ADAMTS3: variants seen among roughly 807,000 people sequenced by gnomAD.
ADAMTS3 encodes the protein ADAM metallopeptidase with thrombospondin type 1 motif 3, also known as A disintegrin and metalloproteinase with thrombospondin motifs 3.
In ADAMTS3, 73 loss-of-function variants were observed where a neutral mutation model predicts 129.0. The ratio of observed to expected loss-of-function variants is 0.57; its 90% CI spans 0.47 to 0.69. ADAMTS3 has a LOEUF of 0.69. Ranked by LOEUF, ADAMTS3 falls within the 30% of genes least tolerant of loss-of-function variation. The pLI is 0.00. For missense variants in ADAMTS3, 1,457 were observed against 1,514.5 expected (o/e 0.96, Z 0.63); for synonymous variants, 477 against 510.8 (o/e 0.93, Z 0.89).
Position 72,548,561 on chromosome 4 carries a change from G to C in ADAMTS3, c.421C>G (p.Pro141Ala), listed in dbSNP as rs1015276975. The change falls in exon 3 of 22, where the codon CCT becomes GCT. Residue 141 changes from proline to alanine, a missense_variant. By Grantham distance (27) the Pro-to-Ala change is conservative. Transcript: ENST00000286657. The stretch of plus-strand genomic sequence containing the variant: ...ACATAAGCACAGTTAGTCTGCAAAG[G>C]CTCTGTTCTCCGGATTCTATACGTA... ...SATYRIRRTE[P>A]LQTNCAYVGD... is the part of the protein sequence containing the mutation. The C allele has an allele frequency of 3.7e-6, 6 of 1,613,784 alleles. No homozygotes were observed. Among genetic ancestry groups the C allele is most frequent in the Non-Finnish European group, 5.1e-6 (6 of 1,179,898 alleles).
At chr4:72,296,008 A>T (rs771648887) in intron 18 of ADAMTS3, among the ~76,000 whole-genome samples, 1 of 152,090 alleles carries the variant, frequency 6.6e-6, no homozygotes, top group Non-Finnish European at 1.5e-5. Context: ...TTGCAACTGC[A>T]TGCATGTTAA....
At chr4:72,455,246 T>C (rs1435790560) in intron 3 of ADAMTS3, among the ~76,000 whole-genome samples, 1 of 151,678 alleles carries the variant, frequency 6.6e-6, no homozygotes, top group African/African-American at 2.4e-5. Context: ...AGAAATATGT[T>C]GGATAAAGAA....
In ADAMTS3 at chr4:72,548,526, G is replaced by A. The variant is rs763998319; in HGVS notation, c.456C>T (p.Ile152=). ...LQTNCAYVGD[I]VDIPGTSVAI... is the part of the protein sequence containing the mutation. ...CAACAGAGGTTCCTGGAATGTCCAC[G>A]ATGTCACCAACATAAGCACAGTTAG... Residue 152 remains isoleucine (I), a synonymous_variant, in exon 3 of 22, where the codon ATC becomes ATT. Coordinates refer to ENST00000286657, the MANE Select transcript of ADAMTS3 (RefSeq NM_014243.3). 6.8e-6 allele frequency: 11 copies of A among 1,613,736 alleles called. No homozygotes were observed. Among genetic ancestry groups the A allele is most frequent in the Middle Eastern group, 1.6e-4 (1 of 6,080 alleles).
chr4:72,301,099 C>A (rs1452415607), intron 17 of ADAMTS3, among the ~76,000 whole-genome samples: 1 of 151,992 alleles, frequency 6.6e-6, no homozygotes, highest in African/African-American at 2.4e-5. Context: ...CATCCATATG[C>A]AAAAATAAGG....
rs12648147 is a variant in ADAMTS3, at chr4:72,309,066, C to T, written c.2179+331G>A. Reference sequence around the variant, plus strand: ...ATATGCAACAAGAATTCAAAATAAACACCAATTCTAATAATTCAATCTGCA... The same window carrying T: ...ATATGCAACAAGAATTCAAAATAAATACCAATTCTAATAATTCAATCTGCA... On this transcript the variant is annotated intron_variant, in intron 15 of 21. Coordinates refer to ENST00000286657, the MANE Select transcript of ADAMTS3 (RefSeq NM_014243.3). 1.2e-4 allele frequency among the ~76,000 whole-genome samples: 18 copies of T among 151,910 alleles called. No homozygotes were observed. In the East Asian group the frequency reaches 3.1e-3, roughly 26 times the overall value.
chr4:72,344,376 A>AATT (rs953959891), intron 4 of ADAMTS3, among the ~76,000 whole-genome samples: 1 of 152,190 alleles, frequency 6.6e-6, no homozygotes, highest in African/African-American at 2.4e-5. Context: ...ACGAAGGTAA[A>AATT]ATTGGAAAGG....
chr4:72,408,807 T>C (rs1460347034), intron 4 of ADAMTS3, among the ~76,000 whole-genome samples: 1 of 151,744 alleles, frequency 6.6e-6, no homozygotes, highest in East Asian at 1.9e-4. Flanking sequence ...TGGATGAAGC[T>C]GGAAACCATC....
intron 3 of ADAMTS3, among the ~76,000 whole-genome samples, chr4:72,542,322 G>C (rs1246531769): frequency 1.3e-5 from 2 of 151,788 alleles, no homozygotes; most frequent in Non-Finnish European, 2.9e-5. Context: ...CCACCACCAC[G>C]CCCGGCTAAT....
At chr4:72,506,383 A>C (rs574800923) in intron 3 of ADAMTS3, among the ~76,000 whole-genome samples, 1 of 152,128 alleles carries the variant, frequency 6.6e-6, no homozygotes, top group Non-Finnish European at 1.5e-5. Context: ...ATTCAGAAGA[A>C]CTGTGATTGG....
chr4:72,410,837 A>G (rs1722169169), intron 4 of ADAMTS3, among the ~76,000 whole-genome samples: 1 of 152,114 alleles, frequency 6.6e-6, no homozygotes, highest in Non-Finnish European at 1.5e-5. Flanking sequence ...CTAAATCTGA[A>G]AAAGAAGCAA....
chr4:72,436,024 G>T (rs1047016259), intron 3 of ADAMTS3, among the ~76,000 whole-genome samples: 1 of 152,022 alleles, frequency 6.6e-6, no homozygotes, highest in Non-Finnish European at 1.5e-5. Context: ...AAACTAAAGA[G>T]CTTCTGCGCA....
At chr4:72,330,371 G>T (rs1008273084) in intron 5 of ADAMTS3, 27 of 152,064 alleles carry the variant, frequency 1.8e-4, no homozygotes, top group African/African-American at 6.5e-4. Flanking sequence ...ATGTGTGAGG[G>T]CCATCTGTTC....
chr4:72,400,352 C>CACATGGT (rs1721880011), intron 4 of ADAMTS3, among the ~76,000 whole-genome samples: 1 of 142,484 alleles, frequency 7.0e-6, no homozygotes, highest in Non-Finnish European at 1.5e-5. Flanking sequence ...TGTATATATA[C>CACATGGT]GTGTGCATAG....
intron 4 of ADAMTS3, among the ~76,000 whole-genome samples, chr4:72,389,536 A>G (rs1578637231): frequency 6.6e-6 from 1 of 151,264 alleles, no homozygotes; most frequent in South Asian, 2.1e-4. Context: ...AAACAAAAAA[A>G]AAAAATCATA....
At chr4:72,481,081 G>T (rs994295390) in intron 3 of ADAMTS3, among the ~76,000 whole-genome samples, 1 of 152,030 alleles carries the variant, frequency 6.6e-6, no homozygotes, top group African/African-American at 2.4e-5. Context: ...AAGACATACT[G>T]TCATGATAAA....
intron 3 of ADAMTS3, among the ~76,000 whole-genome samples, chr4:72,517,331 C>A (rs983143043): frequency 6.6e-6 from 1 of 152,172 alleles, no homozygotes; most frequent in African/African-American, 2.4e-5. Flanking sequence ...GCTTTGGTAT[C>A]AGGATGATGC....
intron 4 of ADAMTS3, among the ~76,000 whole-genome samples, chr4:72,404,848 ACACAC>A (rs1722011930): frequency 6.6e-6 from 1 of 151,774 alleles, no homozygotes; most frequent in African/African-American, 2.4e-5. Context: ...ACACACACAC[ACACAC>A]ACACACAAAA....
intron 5 of ADAMTS3, among the ~76,000 whole-genome samples, chr4:72,325,958 C>T (rs115311592): frequency 6.6e-6 from 1 of 151,954 alleles, no homozygotes; most frequent in African/African-American, 2.4e-5. Flanking sequence ...GTACAATGGA[C>T]AAAATTATTA....
At chr4:72,402,499 A>G (rs565078951) in intron 4 of ADAMTS3, among the ~76,000 whole-genome samples, 1 of 152,216 alleles carries the variant, frequency 6.6e-6, no homozygotes, top group Non-Finnish European at 1.5e-5. Flanking sequence ...GGCATAAAAT[A>G]TAAACACTCA....
Sources: gnomAD v4.1 joint callset for allele counts (sites outside exome capture counted in the v4.1 genomes callset) on GRCh38, gnomAD v4.1.1 for gene constraint, MANE v1.5 for transcripts, NCBI Gene and HGNC (gene_info 2026-07-23, HGNC 2026-07-21) for gene names.